NT5DC3: variants seen among roughly 807,000 people sequenced by gnomAD.
NT5DC3 encodes the protein 5'-nucleotidase domain-containing protein 3.
NT5DC3 carries 42 observed loss-of-function variants against 67.8 expected under a neutral mutation model. The ratio of observed to expected loss-of-function variants is 0.62; its 90% CI spans 0.48 to 0.80. The LOEUF is 0.80. NT5DC3 is among the 30% of genes least tolerant of loss of function. The pLI, the probability that NT5DC3 is intolerant of heterozygous loss-of-function variation, is 0.00. For synonymous variants in NT5DC3, 237 were observed against 255.6 expected, an observed-to-expected ratio of 0.93 and a Z score of 0.69; for missense variants, 570 against 696.4, an observed-to-expected ratio of 0.82 and a Z score of 2.04.
chr12:103,801,120 T>G (rs558441399), intron 4 of NT5DC3, among the ~76,000 whole-genome samples: 1 of 152,186 alleles, frequency 6.6e-6, no homozygotes, highest in South Asian at 2.1e-4. Context: ...CACTCACTCC[T>G]GTGGGCCAAA....
In NT5DC3 at chr12:103,778,842, T is replaced by C. The variant is rs146815843; in HGVS notation, c.1395-761A>G. The stretch of plus-strand genomic sequence containing the variant: ...AGAAAAGAAAAGAAAACAGCCTGCC[T>C]ATCCATCCATCAAAACGACTCTGGT... On this transcript the variant is annotated intron_variant, in intron 13 of 13. Coordinates refer to ENST00000392876, the MANE Select transcript of NT5DC3 (RefSeq NM_001031701.3). Among the ~76,000 whole-genome samples, 6 of 152,098 alleles carry C rather than the reference T, an allele frequency of 3.9e-5. No individual in the cohort carries two copies. In the East Asian group the frequency reaches 1.2e-3, roughly 29 times the overall value.
At chr12:103,756,248 C>T in the NT5DC3 span, among the ~76,000 whole-genome samples, 31,048 of 152,094 alleles carry the variant, frequency 0.2, 3,531 homozygotes, top group Non-Finnish European at 0.25. Flanking sequence ...TCATATCCAG[C>T]GAAGAGAAAG....
chr12:103,831,977 AT>A (rs976284181), intron 1 of NT5DC3, among the ~76,000 whole-genome samples: 1 of 151,652 alleles, frequency 6.6e-6, no homozygotes, highest in Non-Finnish European at 1.5e-5. Context: ...GGGTTTCACC[AT>A]GTTGCCCAGG....
At chr12:103,758,022 A>G in the NT5DC3 span, 1 of 1,172,906 alleles carries the variant, frequency 8.5e-7, no homozygotes, top group Non-Finnish European at 1.2e-6. Context: ...CCCACGGCGC[A>G]GGCAGAAGAC....
At chr12:103,806,986 G>T in intron 2 of NT5DC3, 57 bp from the exon 3 acceptor site, 2 of 1,007,766 alleles carry the variant, frequency 2.0e-6, no homozygotes, top group Non-Finnish European at 3.2e-6. Flanking sequence ...GCAGGATCCT[G>T]TCCAGATCTG....
intron 9 of NT5DC3, among the ~76,000 whole-genome samples, chr12:103,790,481 G>A (rs1343593424): frequency 1.3e-5 from 2 of 151,710 alleles, no homozygotes; most frequent in African/African-American, 2.4e-5. Context: ...TCACCATGTT[G>A]AACTCCTGAC....
At chr12:103,786,111 A>G (rs1347349101) in intron 11 of NT5DC3, among the ~76,000 whole-genome samples, 1 of 152,168 alleles carries the variant, frequency 6.6e-6, no homozygotes, top group Non-Finnish European at 1.5e-5. Context: ...TGAGGATAAA[A>G]CAATGCACAA....
At chr12:103,765,824 G>A (rs11111754), downstream of NT5DC3, among the ~76,000 whole-genome samples, 46,479 of 152,082 alleles carry the variant, frequency 0.31, 7,538 homozygotes, top group East Asian at 0.6. Context: ...TTACAGGCGC[G>A]AGCCACCATG....
At chr12:103,815,751 C>T (rs1018682614) in intron 1 of NT5DC3, among the ~76,000 whole-genome samples, 5 of 152,162 alleles carry the variant, frequency 3.3e-5, no homozygotes, top group Non-Finnish European at 5.9e-5. Context: ...CTCTTGTGAA[C>T]GTACTAAAAA....
intron 9 of NT5DC3, among the ~76,000 whole-genome samples, chr12:103,790,672 C>T (rs1466113352): frequency 2.0e-5 from 3 of 149,140 alleles, no homozygotes; most frequent in South Asian, 2.1e-4. Flanking sequence ...GTGTGAGCCA[C>T]GGCACCCCGG....
chr12:103,750,526 C>A, the NT5DC3 span: 5 of 1,601,440 alleles, frequency 3.1e-6, no homozygotes, highest in East Asian at 1.1e-4. Context: ...ACTTGGGCAT[C>A]CTGGGGTCCT....
intron 1 of NT5DC3, among the ~76,000 whole-genome samples, chr12:103,821,294 G>A (rs1311318608): frequency 1.3e-5 from 2 of 152,196 alleles, no homozygotes; most frequent in African/African-American, 4.8e-5. Context: ...GCATAACCTA[G>A]CCTAACCTGA....
At chr12:103,747,074 A>G in the NT5DC3 span, among the ~76,000 whole-genome samples, 1 of 150,392 alleles carries the variant, frequency 6.6e-6, no homozygotes, top group South Asian at 2.1e-4. Flanking sequence ...CTCCTGCCTC[A>G]GCCTCCCAAG....
At chr12:103,789,659 G>A (rs1885954297) in intron 9 of NT5DC3, among the ~76,000 whole-genome samples, 1 of 151,922 alleles carries the variant, frequency 6.6e-6, no homozygotes, top group Non-Finnish European at 1.5e-5. Flanking sequence ...CTTTGTACCT[G>A]AAATTAAGCC....
chr12:103,797,307 T>C (rs1251383747), intron 5 of NT5DC3, among the ~76,000 whole-genome samples: 1 of 151,744 alleles, frequency 6.6e-6, no homozygotes, highest in South Asian at 2.1e-4. Flanking sequence ...CCGTCTCTAC[T>C]AAAAAATACA....
intron 4 of NT5DC3, among the ~76,000 whole-genome samples, chr12:103,801,702 GTATT>G (rs1292547913): frequency 3.9e-5 from 6 of 151,978 alleles, no homozygotes; most frequent in Admixed American, 1.3e-4. Context: ...TTTTTTAAAT[GTATT>G]TAACACATTA....
chr12:103,804,354 A>G (rs1886709700), intron 4 of NT5DC3, among the ~76,000 whole-genome samples: 1 of 152,204 alleles, frequency 6.6e-6, no homozygotes, highest in Non-Finnish European at 1.5e-5. Context: ...ACCCATGACA[A>G]GAACTGATTC....
At chr12:103,747,340 A>G in the NT5DC3 span, among the ~76,000 whole-genome samples, 13 of 152,150 alleles carry the variant, frequency 8.5e-5, no homozygotes, top group Non-Finnish European at 1.6e-4. Context: ...GATGTTTCCT[A>G]TTGTCTCATA....
intron 4 of NT5DC3, among the ~76,000 whole-genome samples, chr12:103,805,295 G>C (rs1472780011): frequency 6.6e-6 from 1 of 152,130 alleles, no homozygotes; most frequent in Non-Finnish European, 1.5e-5. Flanking sequence ...GACTTTAAAG[G>C]TTTTAGGGGC....
Sources: allele counts gnomAD v4.1 joint callset (sites outside exome capture counted in the v4.1 genomes callset), GRCh38; gene constraint gnomAD v4.1.1; transcripts MANE v1.5; gene names NCBI Gene and HGNC (gene_info 2026-07-23, HGNC 2026-07-21).